The following NDUFB6 variants were observed in gnomAD, a reference collection of about 807,000 sequenced individuals.
NDUFB6 encodes the protein NADH:ubiquinone oxidoreductase subunit B6.
Under a neutral mutation model 17.5 loss-of-function variants are expected in NDUFB6, and 23 were observed. That is an observed-to-expected ratio of 1.31 (90% CI 0.94 to 1.86). The LOEUF is 1.86. Among genes scored for constraint, NDUFB6 ranks in the 40% most tolerant of loss-of-function variants. The pLI, the probability that NDUFB6 is intolerant of heterozygous loss-of-function variation, is 0.00. For synonymous variants in NDUFB6, 60 were observed against 53.5 expected (o/e 1.12, Z -0.53); for missense variants, 167 against 153.8 (o/e 1.09, Z -0.46).
chr9:32,564,008 T>G (rs1208716385), intron 2 of NDUFB6, among the ~76,000 whole-genome samples: 2 of 152,218 alleles, frequency 1.3e-5, no homozygotes, highest in African/African-American at 4.8e-5. Context: ...CTCTGAGCTC[T>G]GGGTCCTTTC....
intron 2 of NDUFB6, among the ~76,000 whole-genome samples, chr9:32,561,306 C>T (rs13295477): frequency 0.1 from 15,403 of 152,022 alleles, 1,008 homozygotes; most frequent in Middle Eastern, 0.28. Context: ...TGGCAGCACA[C>T]GCTCCTAAAA....
intron 3 of NDUFB6, among the ~76,000 whole-genome samples, chr9:32,558,232 C>G (rs1587638913): frequency 6.6e-6 from 1 of 151,810 alleles, no homozygotes; most frequent in Non-Finnish European, 1.5e-5. Context: ...CTGCCTCAGC[C>G]TCTCGAGTAG....
chr9:32,566,506 G>A, intron 2 of NDUFB6: 1 of 775,096 alleles, frequency 1.3e-6, no homozygotes. Flanking sequence ...GCCTTCCGGT[G>A]TGCAGAGACG....
chr9:32,559,643 G>A (rs1334601226), intron 2 of NDUFB6, among the ~76,000 whole-genome samples: 2 of 152,034 alleles, frequency 1.3e-5, no homozygotes, highest in East Asian at 3.9e-4. Flanking sequence ...TGCTTGACCT[G>A]TATCTTCATT....
chr9:32,566,314 C>T lies in NDUFB6; in HGVS notation c.273+4646G>A, dbSNP rs1042937922. The T allele has an allele frequency of 2.5e-6, 3 of 1,180,250 alleles. No homozygotes were observed. The African/African-American group carries it at 4.5e-5, about 18-fold the overall frequency. The allele number at this position is 1,180,250 out of a possible 1,614,324, so 73.1% of individuals were successfully genotyped here. On this transcript the variant is annotated intron_variant, in intron 2 of 3. Transcript: ENST00000379847. The stretch of plus-strand genomic sequence containing the variant: ...CCATAAAAATATTCCCAGTCCACTT[C>T]TCTTCCATCTTGTTCTTTAACTGCT...
chr9:32,566,494 T>G, intron 2 of NDUFB6: 1 of 785,520 alleles, frequency 1.3e-6, no homozygotes, highest in Non-Finnish European at 2.3e-6. Context: ...GCAGGAGAAC[T>G]AGCCTTCCGG....
chr9:32,554,603 C>T (rs1459730600), intron 3 of NDUFB6, among the ~76,000 whole-genome samples: 1 of 152,156 alleles, frequency 6.6e-6, no homozygotes, highest in African/African-American at 2.4e-5. Flanking sequence ...TAGAATTGTC[C>T]CCATACCCAC....
intron 2 of NDUFB6, chr9:32,568,665 T>G (rs908413945): frequency 6.0e-6 from 1 of 165,308 alleles, no homozygotes; most frequent in African/African-American, 2.5e-5. Flanking sequence ...TATGTATATA[T>G]GTACATATAC....
chr9:32,566,765 G>A lies in NDUFB6; in HGVS notation c.273+4195C>T, dbSNP rs552680934. ...ACAGCGGGTCCTCAGCCCGGGTGTC[G>A]GCTGCGACGTTCTGGCTGACGTTGT... On this transcript the variant is annotated intron_variant, in intron 2 of 3. Transcript: ENST00000379847. The A allele has an allele frequency of 1.5e-3, 1,365 of 902,110 alleles. 2 individuals carry two copies. The highest frequency in any genetic ancestry group is 2.0e-3 in the South Asian group (155 of 76,466). 55.9% of individuals were successfully genotyped at this position (902,110 alleles called of 1,614,324 possible).
rs756482548 is a variant in NDUFB6, at chr9:32,573,013, T to C, written c.48A>G (p.Arg16=). 16 of 1,604,724 alleles carry C rather than the reference T, an allele frequency of 1.0e-5. No individual in the cohort carries two copies. The African/African-American group carries it at 1.7e-4, about 17-fold the overall frequency. ...CCTTCAGCCATCGCCTTCTCAGCTC[T>C]CGCAGCTGCTGCAGCCGCAGTTTCT... ...PDEKLRLQQL[R]ELRRRWLKDQ... The change falls in exon 1 of 4, where the codon CGA becomes CGG. Residue 16 remains arginine, a synonymous_variant. Coordinates refer to ENST00000379847, the MANE Select transcript of NDUFB6 (RefSeq NM_002493.5).
intron 3 of NDUFB6, 63 bp downstream of exon 3, chr9:32,558,847 A>G: frequency 8.7e-7 from 1 of 1,152,294 alleles, no homozygotes; most frequent in African/African-American, 1.5e-5. Context: ...ATTGCTTGGA[A>G]AGGGAGGAAA....
In NDUFB6 at chr9:32,553,735, C is replaced by CA. The variant is rs1373208075; in HGVS notation, c.*140dup. 3 of 629,290 alleles carry CA rather than the reference C, an allele frequency of 4.8e-6. No homozygotes were observed. In the African/African-American group the frequency reaches 5.6e-5, roughly 12 times the overall value. The allele number at this position is 629,290 out of a possible 1,614,324, so 39.0% of individuals were successfully genotyped here. ...TACTTATTGTTAAATTACTCAGTCTCAAATTGTACAATGCTTGAAAACAGA... is the reference window on the plus strand; with the variant it reads ...TACTTATTGTTAAATTACTCAGTCTCAAAATTGTACAATGCTTGAAAACAGA... On this transcript the variant is annotated 3_prime_UTR_variant, in exon 4 of 4. Coordinates refer to ENST00000379847, the MANE Select transcript of NDUFB6 (RefSeq NM_002493.5).
Position 32,573,109 on chromosome 9 carries a change from G to C in NDUFB6, c.-49C>G, listed in dbSNP as rs375090847. 6.8e-7 allele frequency: 1 copy of C among 1,471,322 alleles called. No homozygotes were observed. Among genetic ancestry groups the C allele is most frequent in the African/African-American group, 1.4e-5 (1 of 70,020 alleles). The allele number at this position is 1,471,322 out of a possible 1,614,324, so 91.1% of individuals were successfully genotyped here. On this transcript the variant is annotated 5_prime_UTR_variant, in exon 1 of 4. Transcript: ENST00000379847. ...AGGACACGGCGCACCCTCGAACTAC[G>C]GACTAGTTACTTAAGCGCGCTCCCG... is the stretch of plus-strand genomic sequence containing the variant.
chr9:32,558,828 A>T, intron 3 of NDUFB6, 82 bp downstream of exon 3: 1 of 971,854 alleles, frequency 1.0e-6, no homozygotes, highest in Non-Finnish European at 1.5e-6. Flanking sequence ...AGAACATTTT[A>T]ATCTAATAAT....
intron 2 of NDUFB6, chr9:32,567,564 A>C (rs1821834983): frequency 2.5e-6 from 1 of 397,312 alleles, no homozygotes; most frequent in Admixed American, 3.0e-5. Flanking sequence ...ACCTCAGCTG[A>C]TTTGCCCACC....
At chr9:32,567,062 G>C (rs905564898) in intron 2 of NDUFB6, 4 of 494,138 alleles carry the variant, frequency 8.1e-6, no homozygotes, top group African/African-American at 7.9e-5. Flanking sequence ...GCTCCTGCCC[G>C]CCATGCCAAA....
At chr9:32,565,992 CAAT>C (rs1185635417) in intron 2 of NDUFB6, among the ~76,000 whole-genome samples, 1 of 151,312 alleles carries the variant, frequency 6.6e-6, no homozygotes, top group Admixed American at 6.6e-5. Context: ...AACAAACAAA[CAAT>C]GATTCAGAAA....
At chr9:32,557,148 G>A (rs1213588648) in intron 3 of NDUFB6, among the ~76,000 whole-genome samples, 5 of 143,084 alleles carry the variant, frequency 3.5e-5, no homozygotes, top group African/African-American at 7.8e-5. Flanking sequence ...GTTAGCCACC[G>A]CGCCTGGCCC....
At chr9:32,557,826 A>G (rs1821510977) in intron 3 of NDUFB6, among the ~76,000 whole-genome samples, 1 of 152,102 alleles carries the variant, frequency 6.6e-6, no homozygotes, top group African/African-American at 2.4e-5. Flanking sequence ...ACCGCTGGCC[A>G]GTTTTGGTGG....
Sources: gnomAD v4.1 joint callset for allele counts (sites outside exome capture counted in the v4.1 genomes callset) on GRCh38, gnomAD v4.1.1 for gene constraint, MANE v1.5 for transcripts, NCBI Gene and HGNC (gene_info 2026-07-23, HGNC 2026-07-21) for gene names.